The following GFPT2 variants were observed in gnomAD, a reference collection of about 807,000 sequenced individuals.
GFPT2 encodes glutamine--fructose-6-phosphate aminotransferase [isomerizing] 2.
Under a neutral mutation model 85.6 loss-of-function variants are expected in GFPT2, and 62 were observed. The observed-to-expected ratio is 0.72, with a 90% CI of 0.59 to 0.90. The LOEUF (loss-of-function observed/expected upper bound fraction) is 0.90, where lower values mean the gene tolerates loss of function less well. Ranked by LOEUF, GFPT2 falls within the 40% of genes least tolerant of loss-of-function variation. The probability of loss-of-function intolerance (pLI) is 0.00; values close to 1 mark genes in which losing one functional copy is unlikely to be tolerated. For missense variants in GFPT2, 788 were observed against 893.4 expected, an observed-to-expected ratio of 0.88 and a Z score of 1.50; for synonymous variants, 368 against 344.5, an observed-to-expected ratio of 1.07 and a Z score of -0.75.
rs1764161245 is a variant in GFPT2 at position 180,323,549 on chromosome 5, TGTGTGTGTGTGA to T, written c.794+627_794+638del. 6.6e-6 allele frequency among the ~76,000 whole-genome samples: 1 copy of T among 151,946 alleles called. No homozygotes were observed. The highest frequency in any genetic ancestry group is 1.5e-5 in the Non-Finnish European group (1 of 67,964). On this transcript the variant is annotated intron_variant, in intron 9 of 18. Transcript: ENST00000253778. This position sits in a 1 kb window ranked among gnomAD's most constrained non-coding sequence, Gnocchi z 4.0. ...TTCTCTCTCTCCCTCTCTCTCTCTC[TGTGTGTGTGTGA>T]GTGTGTGTATAACTTTTTTTTTTTC...
At chr5:180,312,568 A>G in intron 14 of GFPT2, 24 bp from the exon 15 acceptor site, 1 of 1,211,208 alleles carries the variant, frequency 8.3e-7, no homozygotes, top group Non-Finnish European at 1.2e-6. Context: ...AGGAGGTGGC[A>G]GGGACCTTAT....
intron 13 of GFPT2, 135 bp from the exon 14 acceptor site, chr5:180,314,099 ACGCT>A (rs1443941945): frequency 2.3e-5 from 18 of 780,640 alleles, no homozygotes. Flanking sequence ...AGAAAGGAAA[ACGCT>A]CGCTCAACAG....
intron 4 of GFPT2, among the ~76,000 whole-genome samples, chr5:180,333,410 A>G (rs1164004790): frequency 6.6e-6 from 1 of 151,222 alleles, no homozygotes; most frequent in South Asian, 2.1e-4. Context: ...AATTTTTTGT[A>G]TTTTTAGTAG....
intron 6 of GFPT2, among the ~76,000 whole-genome samples, chr5:180,329,263 G>A (rs1158580653): frequency 6.6e-6 from 1 of 152,176 alleles, no homozygotes; most frequent in East Asian, 1.9e-4. Context: ...CCAGGAACCT[G>A]AGTCACCGTC....
At position 180,304,886 on chromosome 5, in the gene GFPT2, C is replaced by T; in HGVS notation, c.1728G>A (p.Leu576=). 2 of 1,613,300 alleles carry T rather than the reference C, an allele frequency of 1.2e-6. No individual in the cohort carries two copies. Among genetic ancestry groups the T allele is most frequent in the Non-Finnish European group, 1.7e-6 (2 of 1,179,190 alleles). ...CAATCAGTGCCAGGGGCCCGTGCTT[C>T]AGCTCCCCAGCCAGGATGCCTTCTG... ...MHSEGILAGE[L]KHGPLALIDK... The change falls in exon 17 of 19, where the codon CTG becomes CTA. Residue 576 remains leucine (L), a synonymous_variant. Coordinates refer to ENST00000253778, the MANE Select transcript of GFPT2 (RefSeq NM_005110.4).
chr5:180,306,456 A>G (rs1364916272), intron 16 of GFPT2, among the ~76,000 whole-genome samples: 6 of 152,252 alleles, frequency 3.9e-5, no homozygotes, highest in African/African-American at 1.4e-4. Context: ...CAGCGAGGAA[A>G]GGGCAAGTCC....
Position 180,328,368 on chromosome 5 carries a change from G to A in GFPT2, c.535-30C>T, listed in dbSNP as rs1164360898. On this transcript the variant is annotated intron_variant, in intron 6 of 18. Coordinates refer to ENST00000253778, the MANE Select transcript of GFPT2 (RefSeq NM_005110.4). The surrounding 1 kb of genome is among the most constrained non-coding windows in gnomAD (Gnocchi z 5.4). ...AAACACACAAACAGTGAGGGTCAAC[G>A]CGTTCCAGCAGCCGCTGCTGCAGCC... 9 of 1,581,596 alleles carry A rather than the reference G, an allele frequency of 5.7e-6. No homozygotes were observed. The highest frequency in any genetic ancestry group is 4.0e-5 in the African/African-American group (3 of 74,282).
chr5:180,344,128 G>A (rs970343271), intron 1 of GFPT2, among the ~76,000 whole-genome samples: 4 of 152,226 alleles, frequency 2.6e-5, no homozygotes, highest in Admixed American at 6.5e-5. Flanking sequence ...CAGAGAGCAA[G>A]GGAAAGCTGT....
At chr5:180,344,299 G>A (rs976010097) in intron 1 of GFPT2, among the ~76,000 whole-genome samples, 16 of 152,196 alleles carry the variant, frequency 1.1e-4, no homozygotes, top group African/African-American at 3.9e-4. Flanking sequence ...TGAGGTCACT[G>A]GATGTTGAGC....
chr5:180,307,928 T>C (rs183486852), intron 15 of GFPT2, among the ~76,000 whole-genome samples: 4,664 of 152,162 alleles, frequency 0.031, 117 homozygotes, highest in Admixed American at 0.071. Context: ...CTGGCTAACA[T>C]GGTAAAACCC....
At chr5:180,349,720 G>A (rs968907679) in intron 1 of GFPT2, among the ~76,000 whole-genome samples, 1 of 151,876 alleles carries the variant, frequency 6.6e-6, no homozygotes, top group Non-Finnish European at 1.5e-5. Context: ...AACTGTGAGC[G>A]AATACATTTC....
intron 15 of GFPT2, among the ~76,000 whole-genome samples, chr5:180,308,674 A>G (rs4493635): frequency 0.16 from 24,783 of 152,192 alleles, 2,096 homozygotes; most frequent in East Asian, 0.22. Context: ...AATCCTATCA[A>G]TAAACTTTTT....
chr5:180,323,403 G>T lies in GFPT2; in HGVS notation c.794+785C>A, dbSNP rs181724298. ...GCACGGCCCTATTAGAGGCTGGTCG[G>T]GAAAGAGAAAACCCATCAAGAATGG... On this transcript the variant is annotated intron_variant, in intron 9 of 18. Transcript: ENST00000253778. The surrounding 1 kb of genome is among the most constrained non-coding windows in gnomAD (Gnocchi z 4.0). 6.6e-6 allele frequency among the ~76,000 whole-genome samples: 1 copy of T among 152,078 alleles called. No homozygotes were observed. The highest frequency in any genetic ancestry group is 2.4e-5 in the African/African-American group (1 of 41,478).
At chr5:180,324,440 T>A in intron 8 of GFPT2, 135 bp from the exon 9 acceptor site, 1 of 621,250 alleles carries the variant, frequency 1.6e-6, no homozygotes, top group South Asian at 2.0e-5. Flanking sequence ...GTCAGCCAAA[T>A]CGTGTAAAAG....
At chr5:180,350,203 G>A (rs942708315) in intron 1 of GFPT2, among the ~76,000 whole-genome samples, 3 of 152,148 alleles carry the variant, frequency 2.0e-5, no homozygotes, top group Non-Finnish European at 4.4e-5. Context: ...GAGAACAGGC[G>A]AGTTTGTGTC....
chr5:180,320,054 G>A (rs1364954510), intron 9 of GFPT2, among the ~76,000 whole-genome samples: 3 of 152,050 alleles, frequency 2.0e-5, no homozygotes, highest in South Asian at 4.1e-4. Context: ...GTGCAGTGGC[G>A]CGATCTCCAC....
chr5:180,328,282 G>A lies in GFPT2; in HGVS notation c.591C>T (p.Ala197=), dbSNP rs764998808. 1.9e-6 allele frequency: 3 copies of A among 1,609,386 alleles called. No individual in the cohort carries two copies. The highest frequency in any genetic ancestry group is 1.3e-5 in the African/African-American group (1 of 74,800). The stretch of plus-strand genomic sequence containing the variant: ...GCCAGTGTGTTTTGCCTCACCGTGT[G>A]GCAACGGCTTCTCCTGGGTAGTGGA... The part of the protein sequence containing the change: ...KSVHYPGEAV[A]TRRGSPLLIG... Residue 197 remains alanine (A), a synonymous_variant, in exon 7 of 19, where the codon GCC becomes GCT. Transcript: ENST00000253778. This position sits in a 1 kb window ranked among gnomAD's most constrained non-coding sequence, Gnocchi z 5.4.
rs767309593 is a variant in GFPT2 at position 180,318,785 on chromosome 5, A to G, written c.958+8T>C. ...GGCTGCCGCACGTGGACTCTGGAGG[A>G]CACCTGCCTTTCATGATTTGCTGCA... On this transcript the variant is annotated splice_region_variant and intron_variant, in intron 10 of 18. Transcript: ENST00000253778. This position sits in a 1 kb window ranked among gnomAD's most constrained non-coding sequence, Gnocchi z 4.2. The G allele has an allele frequency of 1.5e-5, 24 of 1,612,656 alleles. No homozygotes were observed. Among genetic ancestry groups the G allele is most frequent in the Non-Finnish European group, 2.0e-5 (24 of 1,179,158 alleles).
intron 4 of GFPT2, among the ~76,000 whole-genome samples, chr5:180,335,179 C>T (rs1362654326): frequency 1.3e-5 from 2 of 152,208 alleles, no homozygotes; most frequent in African/African-American, 4.8e-5. Flanking sequence ...TCAAGTGATG[C>T]CAGAAGTCTG....
Sources: allele counts gnomAD v4.1 joint callset (sites outside exome capture counted in the v4.1 genomes callset), GRCh38; gene constraint gnomAD v4.1.1; non-coding constraint Gnocchi (gnomAD v3.1); transcripts MANE v1.5; gene names NCBI Gene and HGNC (gene_info 2026-07-23, HGNC 2026-07-21).